Variants in CPVL observed in about 807,000 individuals in gnomAD.
CPVL encodes the protein probable serine carboxypeptidase CPVL.
A neutral mutation model predicts 63.7 loss-of-function variants in CPVL; 51 were observed. That is an observed-to-expected ratio of 0.80 (90% CI 0.64 to 1.01). The LOEUF is 1.01. CPVL is among the 50% of genes least tolerant of loss of function. The pLI, the probability that CPVL is intolerant of heterozygous loss-of-function variation, is 0.00. For synonymous variants in CPVL, 195 were observed against 206.0 expected (o/e 0.95, Z 0.46); for missense variants, 530 against 573.1 (o/e 0.92, Z 0.77).
At chr7:29,008,838 T>C (rs868745398) in intron 12 of CPVL, 2 of 152,130 alleles carry the variant, frequency 1.3e-5, no homozygotes, top group Non-Finnish European at 1.5e-5. Context: ...TTCTCTGCCT[T>C]GTTGTTTCAA....
At position 29,030,769 on chromosome 7, in the gene CPVL, A is replaced by C. The variant is rs746717432; in HGVS notation, c.1138-10T>G. 37 of 1,591,898 alleles carry C rather than the reference A, an allele frequency of 2.3e-5. No homozygotes were observed. Among genetic ancestry groups the C allele is most frequent in the Non-Finnish European group, 3.2e-5 (37 of 1,170,720 alleles). On this transcript the variant is annotated splice_polypyrimidine_tract_variant and intron_variant, in intron 11 of 12. Transcript: ENST00000265394. ...CATTGTAGATCAGAACCTGAAATGA[A>C]ATCAAGCCATCAGCAAATGCAAGAT...
chr7:29,036,565 AAAT>A (rs1385634484), intron 11 of CPVL, among the ~76,000 whole-genome samples: 1 of 152,222 alleles, frequency 6.6e-6, no homozygotes, highest in African/African-American at 2.4e-5. Flanking sequence ...CAAGCTCTCG[AAAT>A]AATAACACAC....
At chr7:29,096,010 T>C in intron 4 of CPVL, 93 bp downstream of exon 4, 2 of 978,580 alleles carry the variant, frequency 2.0e-6, no homozygotes, top group Non-Finnish European at 3.3e-6. Context: ...AAGCTATTCA[T>C]AGTGGTTCAG....
At chr7:29,150,657 G>C (rs1231002912), upstream of CPVL, among the ~76,000 whole-genome samples, 1 of 152,212 alleles carries the variant, frequency 6.6e-6, no homozygotes, top group Non-Finnish European at 1.5e-5. Context: ...ATGTGGAGCT[G>C]CAATGGAAAC....
chr7:29,005,016 C>A (rs1273676617), intron 12 of CPVL, among the ~76,000 whole-genome samples: 1 of 151,364 alleles, frequency 6.6e-6, no homozygotes, highest in Non-Finnish European at 1.5e-5. Context: ...TGTGCCTCAG[C>A]CTCCCGAGTA....
intron 12 of CPVL, among the ~76,000 whole-genome samples, chr7:29,007,414 T>C (rs1401120786): frequency 1.3e-5 from 2 of 152,120 alleles, no homozygotes; most frequent in African/African-American, 2.4e-5. Context: ...TCCTTTGTCT[T>C]CAGGAAGCAA....
chr7:29,134,188 T>C (rs1404025508), intron 1 of CPVL, among the ~76,000 whole-genome samples: 5 of 152,234 alleles, frequency 3.3e-5, no homozygotes, highest in Non-Finnish European at 7.3e-5. Context: ...GTAAGGACTC[T>C]ATACCTTCAT....
At chr7:29,125,427 C>G (rs986512831) in intron 1 of CPVL, among the ~76,000 whole-genome samples, 1 of 123,092 alleles carries the variant, frequency 8.1e-6, no homozygotes, top group Non-Finnish European at 1.6e-5. Flanking sequence ...GAGTCTCGCT[C>G]TGTCACCCAG....
intron 11 of CPVL, among the ~76,000 whole-genome samples, chr7:29,048,392 A>C (rs1414171633): frequency 6.6e-6 from 1 of 152,208 alleles, no homozygotes; most frequent in Non-Finnish European, 1.5e-5. Context: ...GAGACACCAA[A>C]AGTGAGCAGG....
At chr7:29,014,152 C>T (rs1302203098) in intron 12 of CPVL, among the ~76,000 whole-genome samples, 1 of 152,144 alleles carries the variant, frequency 6.6e-6, no homozygotes, top group Non-Finnish European at 1.5e-5. Context: ...TTACTGTGTT[C>T]TGGTTTTCTG....
In CPVL at chr7:29,064,132, C is replaced by CA. The variant is rs748209844; in HGVS notation, c.1065dup (p.Glu356Ter). 2.7e-5 allele frequency: 43 copies of CA among 1,612,832 alleles called. No homozygotes were observed. In the African/African-American group the frequency reaches 5.5e-4, roughly 21 times the overall value. On this transcript the variant is annotated frameshift_variant, in exon 11 of 13. Coordinates refer to ENST00000265394, the MANE Select transcript of CPVL (RefSeq NM_031311.5). LOFTEE classifies it high-confidence loss of function. Reference sequence around the variant, plus strand: ...ACTGTATCTTCTCGCAAGTACTTTTCAACTATAGTTCCATCATTAAAAGTC... The same window carrying CA: ...ACTGTATCTTCTCGCAAGTACTTTTCAAACTATAGTTCCATCATTAAAAGTC...
intron 5 of CPVL, among the ~76,000 whole-genome samples, chr7:29,171,826 G>A (rs1426439476): frequency 6.6e-6 from 1 of 152,122 alleles, no homozygotes; most frequent in Non-Finnish European, 1.5e-5. Flanking sequence ...AAGAAATGAA[G>A]TTGTTGTAGC....
In CPVL at chr7:29,075,744, C is replaced by CT. The variant is rs11298240; in HGVS notation, c.610-3322dup. Reference sequence around the variant, plus strand: ...GCCAACCTCACAGTGATGATCTTAGCTTTTTTTTTTTTTTAACTTTCTAAT... The same window carrying CT: ...GCCAACCTCACAGTGATGATCTTAGCTTTTTTTTTTTTTTTAACTTTCTAAT... On this transcript the variant is annotated intron_variant, in intron 7 of 12. Transcript: ENST00000265394. Among the ~76,000 whole-genome samples the CT allele has an allele frequency of 6.9e-4, 102 of 147,694 alleles. No individual in the cohort carries two copies. In the East Asian group the frequency reaches 0.015, roughly 21 times the overall value.
intron 1 of CPVL, among the ~76,000 whole-genome samples, chr7:29,143,115 C>T (rs1720974905): frequency 6.6e-6 from 1 of 152,184 alleles, no homozygotes; most frequent in Admixed American, 6.5e-5. Context: ...CACCTGCAAC[C>T]AGGAAAAAGT....
intron 12 of CPVL, among the ~76,000 whole-genome samples, chr7:29,020,167 G>A (rs1047925295): frequency 1.3e-5 from 2 of 152,164 alleles, no homozygotes; most frequent in African/African-American, 4.8e-5. Flanking sequence ...TGGGATGCCA[G>A]GCCTGGGAGC....
chr7:29,033,354 C>T (rs317751), intron 11 of CPVL, among the ~76,000 whole-genome samples: 42,246 of 152,014 alleles, frequency 0.28, 7,495 homozygotes, highest in African/African-American at 0.51. Flanking sequence ...CAGGTGGGCA[C>T]GGCATAGGGG....
At chr7:29,066,195 C>A in intron 9 of CPVL, 74 bp from the exon 10 acceptor site, 1 of 804,038 alleles carries the variant, frequency 1.2e-6, no homozygotes, top group Non-Finnish European at 2.1e-6. Context: ...AGACATTTGT[C>A]ATTTCATTTA....
intron 6 of CPVL, among the ~76,000 whole-genome samples, chr7:29,091,206 C>T (rs1180919639): frequency 3.3e-5 from 5 of 152,178 alleles, no homozygotes; most frequent in Non-Finnish European, 5.9e-5. Context: ...CACATGTCAG[C>T]AGTCGACATC....
chr7:29,094,354 T>TA (rs926330091), intron 5 of CPVL, among the ~76,000 whole-genome samples: 89 of 144,418 alleles, frequency 6.2e-4, no homozygotes, highest in Admixed American at 9.0e-4. Context: ...AAATAAAAAT[T>TA]AAAAAAAAAA....
Sources: allele counts gnomAD v4.1 joint callset (sites outside exome capture counted in the v4.1 genomes callset), GRCh38; gene constraint gnomAD v4.1.1; transcripts MANE v1.5; gene names NCBI Gene and HGNC (gene_info 2026-07-23, HGNC 2026-07-21).